SLC9C2: variants seen among roughly 807,000 people sequenced by gnomAD.
The protein encoded by SLC9C2 is sodium/hydrogen exchanger 11.
SLC9C2 carries 75 observed loss-of-function variants against 140.2 expected under a neutral mutation model. The observed-to-expected ratio is 0.53, with a 90% CI of 0.44 to 0.65. SLC9C2 has a LOEUF of 0.65. SLC9C2 is among the 30% of genes least tolerant of loss of function. SLC9C2 has a pLI of 0.00. For synonymous variants in SLC9C2, 375 were observed against 420.9 expected, an observed-to-expected ratio of 0.89 and a Z score of 1.34; for missense variants, 1,074 against 1,331.8, an observed-to-expected ratio of 0.81 and a Z score of 3.01.
intron 23 of SLC9C2, among the ~76,000 whole-genome samples, chr1:173,514,602 C>T (rs568646570): frequency 1.1e-3 from 162 of 152,152 alleles, no homozygotes; most frequent in African/African-American, 3.6e-3. Flanking sequence ...TCCAATTTGC[C>T]AGTCTGTGTC....
Position 173,598,008 on chromosome 1 carries a change from G to A in SLC9C2, c.253C>T (p.Leu85=). The A allele has an allele frequency of 6.3e-7, 1 of 1,594,596 alleles. No individual in the cohort carries two copies. The highest frequency in any genetic ancestry group is 8.5e-7 in the Non-Finnish European group (1 of 1,170,800). ...TAAAGTGAAAAACTTGATGTTCTTA[G>A]AAGAGGGTAGACAATTTGGTGCACC... The part of the protein sequence containing the change: ...VEVHQIVYPL[L]RTSSFSLYSY... The change falls in exon 4 of 28, where the codon CTA becomes TTA. Residue 85 remains leucine (L), a synonymous_variant. Transcript: ENST00000367714.
chr1:173,508,575 A>G (rs1659816198), intron 24 of SLC9C2, among the ~76,000 whole-genome samples: 1 of 152,192 alleles, frequency 6.6e-6, no homozygotes, highest in African/African-American at 2.4e-5. Flanking sequence ...CCCTCTGCTA[A>G]AATTTTTCTG....
chr1:173,526,624 AG>A (rs1661216292), intron 19 of SLC9C2, 38 bp downstream of exon 19: 1 of 1,483,044 alleles, frequency 6.7e-7, no homozygotes, highest in East Asian at 2.3e-5. Context: ...TAGGACAATA[AG>A]GTATGACTTT....
At chr1:173,511,681 T>C (rs1660069219) in intron 23 of SLC9C2, among the ~76,000 whole-genome samples, 2 of 152,240 alleles carry the variant, frequency 1.3e-5, no homozygotes, top group African/African-American at 4.8e-5. Flanking sequence ...CAATTTAGGC[T>C]TTTGTTGCAA....
intron 27 of SLC9C2, among the ~76,000 whole-genome samples, chr1:173,501,801 G>A (rs1044015842): frequency 2.0e-5 from 3 of 152,092 alleles, no homozygotes; most frequent in Non-Finnish European, 4.4e-5. Context: ...AAAGAACCAA[G>A]TTACCTGGTT....
rs776384210 is a variant in SLC9C2, at chr1:173,533,725, T to A, written c.2047A>T (p.Ile683Phe). Reference protein sequence around the residue: ...TLEFFILVIGIIDIFCVYFVK... With the variant: ...TLEFFILVIGFIDIFCVYFVK... The stretch of plus-strand genomic sequence containing the variant: ...AAGTATACACAAAAGATATCAATGA[T>A]TCCAATAACCAGGATAAAAAATTCC... Residue 683 changes from isoleucine to phenylalanine, a missense_variant, in exon 17 of 28, where the codon ATC becomes TTC. Ile to Phe is a conservative substitution (Grantham distance 21, BLOSUM62 0). Coordinates refer to ENST00000367714, the MANE Select transcript of SLC9C2 (RefSeq NM_178527.4). 2.5e-6 allele frequency: 4 copies of A among 1,610,022 alleles called. 1 individual carries two copies. The South Asian group carries it at 4.4e-5, about 18-fold the overall frequency.
intron 3 of SLC9C2, 100 bp downstream of exon 3, chr1:173,600,017 C>T: frequency 5.6e-6 from 4 of 708,576 alleles, no homozygotes; most frequent in South Asian, 3.0e-5. Context: ...GTAGCTGTTC[C>T]CATAAGAAAA....
In SLC9C2 at chr1:173,533,680, T is replaced by C; in HGVS notation, c.2092A>G (p.Asn698Asp). 1 of 1,612,494 alleles carries C rather than the reference T, an allele frequency of 6.2e-7. No individual in the cohort carries two copies. Among genetic ancestry groups the C allele is most frequent in the Non-Finnish European group, 8.5e-7 (1 of 1,178,746 alleles). ...ACTGTAAGCTGTATAAGAGCCAAGTTGTCTGGTCTCAATTTCACAAAGTAT... is the reference window on the plus strand; with the variant it reads ...ACTGTAAGCTGTATAAGAGCCAAGTCGTCTGGTCTCAATTTCACAAAGTAT... ...CVYFVKLRPD[N>D]LALIQLTVIM... The change falls in exon 17 of 28, where the codon AAC becomes GAC. Residue 698 changes from asparagine (N) to aspartate (D), a missense_variant. By Grantham distance (23) the Asn-to-Asp change is conservative. Transcript: ENST00000367714.
intron 26 of SLC9C2, among the ~76,000 whole-genome samples, 158 bp from the exon 27 acceptor site, chr1:173,503,484 C>T (rs897718563): frequency 5.9e-5 from 9 of 152,186 alleles, no homozygotes; most frequent in African/African-American, 2.2e-4. Flanking sequence ...CTCAGAGGTT[C>T]GTAGTAGGCT....
intron 9 of SLC9C2, among the ~76,000 whole-genome samples, chr1:173,561,887 C>CACACACACACACA (rs1558068630): frequency 7.1e-6 from 1 of 141,322 alleles, no homozygotes; most frequent in East Asian, 2.1e-4. Context: ...ACACACACAC[C>CACACACACACACA]CCCAACTGTA....
At chr1:173,501,694 C>T (rs1454289920) in intron 27 of SLC9C2, among the ~76,000 whole-genome samples, 1 of 151,380 alleles carries the variant, frequency 6.6e-6, no homozygotes, top group Admixed American at 6.6e-5. Context: ...GTGGTGTGAG[C>T]CACCACGCCA....
At chr1:173,576,623 G>A (rs1313403964) in intron 8 of SLC9C2, 38 bp downstream of exon 8, 1 of 1,344,544 alleles carries the variant, frequency 7.4e-7, no homozygotes, top group South Asian at 1.2e-5. Flanking sequence ...GCACTAAACT[G>A]CTATGAGATC....
Position 173,500,950 on chromosome 1 carries a change from A to C in SLC9C2, c.*144T>G. On this transcript the variant is annotated 3_prime_UTR_variant, in exon 28 of 28. Transcript: ENST00000367714. ...CCATTGCTTATAAACTAAATGCAGC[A>C]GTAACCTGTTTCAGTAGCTTCTAAG... 1.1e-6 allele frequency: 1 copy of C among 900,218 alleles called. No homozygotes were observed. Among genetic ancestry groups the C allele is most frequent in the Non-Finnish European group, 1.5e-6 (1 of 666,824 alleles). The allele number at this position is 900,218 out of a possible 1,614,324, so 55.8% of individuals were successfully genotyped here. A position where few individuals can be genotyped will look rare whatever the true frequency, so the allele number is the denominator to read the frequency against.
rs1039178167 is a variant in SLC9C2, at chr1:173,504,414, C to T, written c.3310+833G>A. 1.2e-4 allele frequency among the ~76,000 whole-genome samples: 19 copies of T among 152,148 alleles called. 1 individual carries two copies. The highest frequency in any genetic ancestry group is 8.5e-4 in the Admixed American group (13 of 15,278). On this transcript the variant is annotated intron_variant, in intron 26 of 27. Coordinates refer to ENST00000367714, the MANE Select transcript of SLC9C2 (RefSeq NM_178527.4). ...TTATAAAAAGCAAGCAATTGAGAAA[C>T]AGTGAGATATAAGACTGAGAAAACG...
At chr1:173,532,563 A>G (rs1473154005) in intron 17 of SLC9C2, among the ~76,000 whole-genome samples, 1 of 152,180 alleles carries the variant, frequency 6.6e-6, no homozygotes. Flanking sequence ...GTGACTGTGG[A>G]GCTATGGAGG....
At chr1:173,558,326 C>T (rs1379061595) in intron 9 of SLC9C2, among the ~76,000 whole-genome samples, 1 of 152,164 alleles carries the variant, frequency 6.6e-6, no homozygotes, top group Admixed American at 6.5e-5. Context: ...CCTTTTGCAA[C>T]GTGACTCTTA....
chr1:173,599,436 G>A (rs182628832), intron 3 of SLC9C2, among the ~76,000 whole-genome samples: 1 of 142,636 alleles, frequency 7.0e-6, no homozygotes, highest in East Asian at 2.0e-4. Context: ...GTGCAGTGGC[G>A]CAATCTCGGC....
At chr1:173,599,051 T>C (rs1666605784) in intron 3 of SLC9C2, among the ~76,000 whole-genome samples, 1 of 152,252 alleles carries the variant, frequency 6.6e-6, no homozygotes, top group African/African-American at 2.4e-5. Flanking sequence ...TGTTTTACAT[T>C]GAATCTGGCA....
chr1:173,534,427 G>A, intron 16 of SLC9C2, 57 bp downstream of exon 16: 2 of 1,467,326 alleles, frequency 1.4e-6, no homozygotes, highest in Non-Finnish European at 1.8e-6. Context: ...TGACAAAATA[G>A]ATTCAAAATA....
Sources: gnomAD v4.1 joint callset for allele counts (sites outside exome capture counted in the v4.1 genomes callset) on GRCh38, gnomAD v4.1.1 for gene constraint, MANE v1.5 for transcripts, NCBI Gene and HGNC (gene_info 2026-07-23, HGNC 2026-07-21) for gene names.